The following NPAS3 variants were observed in gnomAD, a reference collection of about 807,000 sequenced individuals.
NPAS3 encodes the protein neuronal PAS domain protein 3.
A neutral mutation model predicts 73.1 loss-of-function variants in NPAS3; 14 were observed. That is an observed-to-expected ratio of 0.19 (90% CI 0.13 to 0.30). The LOEUF is 0.30. Ranked by LOEUF, NPAS3 falls within the 10% of genes least tolerant of loss-of-function variation. The probability of loss-of-function intolerance (pLI) is 1.00; values close to 1 mark genes in which losing one functional copy is unlikely to be tolerated. For synonymous variants in NPAS3, 620 were observed against 541.5 expected, an observed-to-expected ratio of 1.14 and a Z score of -2.01; for missense variants, 1,096 against 1,250.0, an observed-to-expected ratio of 0.88 and a Z score of 1.86.
intron 5 of NPAS3, among the ~76,000 whole-genome samples, chr14:33,579,701 G>A (rs890076542): frequency 6.6e-6 from 1 of 151,850 alleles, no homozygotes; most frequent in African/African-American, 2.4e-5. Context: ...ATAATACTGT[G>A]AGGAATAAAA....
At chr14:33,324,841 C>T (rs1346285931) in intron 3 of NPAS3, among the ~76,000 whole-genome samples, 7 of 152,056 alleles carry the variant, frequency 4.6e-5, no homozygotes, top group Admixed American at 4.6e-4. Context: ...GAGAATAATA[C>T]AGATTCTCAG....
At chr14:33,539,894 G>A (rs932241617) in intron 4 of NPAS3, among the ~76,000 whole-genome samples, 4 of 152,096 alleles carry the variant, frequency 2.6e-5, no homozygotes, top group African/African-American at 7.2e-5. Flanking sequence ...TAACACTTGT[G>A]TACTAATTCC....
At chr14:33,506,687 A>G (rs721540) in intron 4 of NPAS3, among the ~76,000 whole-genome samples, 43,705 of 151,938 alleles carry the variant, frequency 0.29, 6,935 homozygotes, top group East Asian at 0.46. Flanking sequence ...GCTATGATCC[A>G]GTTAACTCTT....
chr14:33,793,513 A>C (rs1042985673), intron 9 of NPAS3, among the ~76,000 whole-genome samples: 5 of 152,228 alleles, frequency 3.3e-5, no homozygotes, highest in African/African-American at 4.8e-5. Context: ...AAAGAGGTCT[A>C]CCTCCAAGCT....
At chr14:33,341,800 T>A (rs1317980103) in intron 3 of NPAS3, among the ~76,000 whole-genome samples, 2 of 152,200 alleles carry the variant, frequency 1.3e-5, no homozygotes, top group Admixed American at 1.3e-4. Context: ...GTTAGGTCCA[T>A]AAAAGGTAAG....
chr14:33,027,322 G>C (rs1233139545), intron 1 of NPAS3, among the ~76,000 whole-genome samples: 1 of 152,172 alleles, frequency 6.6e-6, no homozygotes, highest in Non-Finnish European at 1.5e-5. Context: ...AGACGTGCTT[G>C]GGCTCTGAGT....
intron 1 of NPAS3, among the ~76,000 whole-genome samples, chr14:32,958,682 A>G (rs2036779716): frequency 6.6e-6 from 1 of 152,192 alleles, no homozygotes; most frequent in Non-Finnish European, 1.5e-5. Flanking sequence ...TGTATTGTCC[A>G]TGGCCATTCA....
At position 33,296,270 on chromosome 14, in the gene NPAS3, G is replaced by A. The variant is rs1400676617; in HGVS notation, c.386-70916G>A. ...TTGAAGATGTTGTTGTTACTTCATT[G>A]TCTCTTTTAATAGATATATATTTAT... is the stretch of plus-strand genomic sequence containing the variant. On this transcript the variant is annotated intron_variant, in intron 3 of 11. Coordinates refer to ENST00000356141, the Ensembl canonical transcript of NPAS3. Among the ~76,000 whole-genome samples, 4 of 151,882 alleles carry A rather than the reference G, an allele frequency of 2.6e-5. No homozygotes were observed. In the East Asian group the frequency reaches 7.7e-4, roughly 29 times the overall value.
chr14:33,397,496 A>G (rs2047273427), intron 4 of NPAS3, among the ~76,000 whole-genome samples: 1 of 152,094 alleles, frequency 6.6e-6, no homozygotes, highest in Admixed American at 6.6e-5. Flanking sequence ...ATGCTACTGT[A>G]CAGTACTTCT....
At chr14:33,023,264 T>A (rs2039674945) in intron 1 of NPAS3, among the ~76,000 whole-genome samples, 1 of 152,198 alleles carries the variant, frequency 6.6e-6, no homozygotes, top group Admixed American at 6.5e-5. Flanking sequence ...GTATTTTTTG[T>A]GTGATATAAA....
chr14:33,478,947 A>G (rs1278582098), intron 4 of NPAS3, among the ~76,000 whole-genome samples: 1 of 152,152 alleles, frequency 6.6e-6, no homozygotes, highest in Non-Finnish European at 1.5e-5. Context: ...TTCCTTAGAC[A>G]CAATAACTTG....
chr14:32,994,617 TGTTTGTTTGTTTG>T (rs1566443494), intron 1 of NPAS3, among the ~76,000 whole-genome samples: 3 of 136,398 alleles, frequency 2.2e-5, no homozygotes, highest in African/African-American at 9.3e-5. Flanking sequence ...TCTAGTTTTT[TGTTTGTTTGTTTG>T]TTTTTGTTTT....
intron 5 of NPAS3, among the ~76,000 whole-genome samples, chr14:33,643,494 T>A (rs2058737608): frequency 1.3e-5 from 2 of 150,400 alleles, no homozygotes; most frequent in South Asian, 4.2e-4. Flanking sequence ...TCAAAAAGCA[T>A]CTTTGTTCTG....
intron 6 of NPAS3, among the ~76,000 whole-genome samples, chr14:33,714,979 T>A (rs2060920193): frequency 6.6e-6 from 1 of 152,240 alleles, no homozygotes; most frequent in African/African-American, 2.4e-5. Context: ...ACATCTCTCA[T>A]GATTCCCAGG....
intron 7 of NPAS3, among the ~76,000 whole-genome samples, chr14:33,769,421 C>T (rs1240491286): frequency 2.6e-5 from 4 of 152,310 alleles, no homozygotes; most frequent in Non-Finnish European, 5.9e-5. Context: ...TTGTCGTCAT[C>T]GTCCTGTGGG....
At chr14:33,659,734 CAAAAA>C (rs1015262963) in intron 5 of NPAS3, among the ~76,000 whole-genome samples, 1 of 145,918 alleles carries the variant, frequency 6.9e-6, no homozygotes, top group East Asian at 2.0e-4. Flanking sequence ...TCTAAGGAAG[CAAAAA>C]AAAAAGTAGC....
chr14:33,483,835 T>A (rs140429532), intron 4 of NPAS3, among the ~76,000 whole-genome samples: 196 of 152,324 alleles, frequency 1.3e-3, no homozygotes, highest in Admixed American at 4.5e-3. Context: ...GCTGACCTTT[T>A]TTCTGGACCT....
chr14:33,549,358 A>AG (rs2055000797), intron 4 of NPAS3, among the ~76,000 whole-genome samples: 1 of 152,080 alleles, frequency 6.6e-6, no homozygotes. Flanking sequence ...GAGTCTCCTG[A>AG]GTAGCTGGGA....
chr14:33,308,527 T>TATATATATACACACACACACAC, intron 3 of NPAS3, among the ~76,000 whole-genome samples: 3 of 103,736 alleles, frequency 2.9e-5, no homozygotes, highest in Non-Finnish European at 5.6e-5. Context: ...TATATATATA[T>TATATATATACACACACACACAC]ACATACACAC....
Sources: allele counts gnomAD v4.1 joint callset (sites outside exome capture counted in the v4.1 genomes callset), GRCh38; gene constraint gnomAD v4.1.1; transcripts MANE v1.5; gene names NCBI Gene and HGNC (gene_info 2026-07-23, HGNC 2026-07-21).